Variants in PHF11 observed in about 807,000 individuals in gnomAD.
PHF11 encodes PHD finger protein 11, also known as BRCA1 C-terminus-associated protein.
A neutral mutation model predicts 40.5 loss-of-function variants in PHF11; 38 were observed. The ratio of observed to expected loss-of-function variants is 0.94; its 90% CI spans 0.72 to 1.23. The LOEUF (loss-of-function observed/expected upper bound fraction) is 1.23. PHF11 is among the 50% of genes most tolerant of loss of function. PHF11 has a pLI of 0.00. For synonymous variants in PHF11, 127 were observed against 138.2 expected (o/e 0.92, Z 0.57); for missense variants, 369 against 392.4 (o/e 0.94, Z 0.50).
intron 1 of PHF11, 43 bp downstream of exon 1, chr13:49,496,138 C>T: frequency 9.2e-7 from 1 of 1,083,326 alleles, no homozygotes; most frequent in Non-Finnish European, 1.2e-6. Flanking sequence ...CGGGGCTGGG[C>T]AGCGACGGGC....
intron 3 of PHF11, among the ~76,000 whole-genome samples, chr13:49,517,247 G>T (rs1457152629): frequency 2.0e-5 from 3 of 152,120 alleles, no homozygotes; most frequent in Non-Finnish European, 4.4e-5. Context: ...GGGCTATGGT[G>T]TGAGTGACCT....
At chr13:49,528,000 T>C (rs1236049396) in intron 9 of PHF11, among the ~76,000 whole-genome samples, 14 of 152,254 alleles carry the variant, frequency 9.2e-5, no homozygotes. Flanking sequence ...ATTTGTTATT[T>C]ATAAAGCCTA....
intron 8 of PHF11, chr13:49,526,184 A>G (rs7321952): frequency 0.52 from 250,224 of 484,548 alleles, 70,521 homozygotes; most frequent in Non-Finnish European, 0.57. Context: ...AAAAAAAAAA[A>G]AAAAAAGAAA....
At chr13:49,523,046 A>T (rs1393288667) in intron 6 of PHF11, 129 bp from the exon 7 acceptor site, 4 of 723,670 alleles carry the variant, frequency 5.5e-6, no homozygotes, top group Non-Finnish European at 1.0e-5. Flanking sequence ...TACAGGCGTG[A>T]GACACCGCGC....
At chr13:49,528,081 G>C (rs1032872061) in intron 9 of PHF11, among the ~76,000 whole-genome samples, 1 of 152,042 alleles carries the variant, frequency 6.6e-6, no homozygotes, top group African/African-American at 2.4e-5. Context: ...GAAACCAAAA[G>C]CCTTTATGTA....
At chr13:49,496,744 G>A (rs1183415394) in intron 1 of PHF11, 1 of 182,602 alleles carries the variant, frequency 5.5e-6, no homozygotes, top group East Asian at 1.4e-4. Flanking sequence ...TAATGAGGAG[G>A]TCAGAACCAC....
chr13:49,527,054 GAA>G (rs112437268), intron 9 of PHF11, among the ~76,000 whole-genome samples: 6 of 92,718 alleles, frequency 6.5e-5, no homozygotes, highest in East Asian at 3.6e-4. Context: ...AAGTTCATCA[GAA>G]AAAAAAAAAA....
rs1959210600 is a variant in PHF11 at position 49,524,221 on chromosome 13, T to C, written c.769+5T>C. On this transcript the variant is annotated splice_donor_5th_base_variant and intron_variant, in intron 8 of 9. Transcript: ENST00000378319. ...ATGAGACTACTTCAGAATCAGGTAC[T>C]GATGAAGAGCAATATTTCGAAGTAT... The C allele has an allele frequency of 6.3e-7, 1 of 1,599,482 alleles. No homozygotes were observed. Among genetic ancestry groups the C allele is most frequent in the African/African-American group, 1.4e-5 (1 of 74,066 alleles).
intron 2 of PHF11, 150 bp from the exon 3 acceptor site, chr13:49,512,909 G>A (rs1959097313): frequency 3.5e-6 from 2 of 579,000 alleles, no homozygotes; most frequent in South Asian, 2.1e-5. Flanking sequence ...ATGGCTTATG[G>A]TCTGCTCATC....
At chr13:49,508,627 T>G (rs1021610596) in intron 2 of PHF11, among the ~76,000 whole-genome samples, 4 of 151,934 alleles carry the variant, frequency 2.6e-5, no homozygotes, top group African/African-American at 7.2e-5. Flanking sequence ...TTTTATTTAT[T>G]GATCTCATCC....
At chr13:49,527,150 G>C (rs1431446078) in intron 9 of PHF11, 4 of 152,182 alleles carry the variant, frequency 2.6e-5, no homozygotes, top group Non-Finnish European at 5.9e-5. Context: ...TTGGAGGAGG[G>C]AGATTTAACC....
At chr13:49,526,734 T>C (rs1012412978) in intron 9 of PHF11, among the ~76,000 whole-genome samples, 2 of 152,142 alleles carry the variant, frequency 1.3e-5, no homozygotes, top group African/African-American at 2.4e-5. Flanking sequence ...TTGTCTGTTC[T>C]TTTACTGCTA....
chr13:49,507,501 G>A (rs1959018730), intron 2 of PHF11, among the ~76,000 whole-genome samples: 1 of 152,186 alleles, frequency 6.6e-6, no homozygotes, highest in South Asian at 2.1e-4. Flanking sequence ...AATTTCCCTA[G>A]TCTAGGCTAT....
chr13:49,525,738 T>C (rs2139079938), intron 8 of PHF11: 1 of 441,412 alleles, frequency 2.3e-6, no homozygotes. Context: ...CAAAAGCTCA[T>C]TTATTATACT....
At chr13:49,513,275 G>C in intron 3 of PHF11, 109 bp downstream of exon 3, 1 of 586,928 alleles carries the variant, frequency 1.7e-6, no homozygotes, top group Non-Finnish European at 3.0e-6. Flanking sequence ...GCATCTTGGA[G>C]AGCTGGAAGA....
At chr13:49,515,574 ACT>A (rs1006009418) in intron 3 of PHF11, among the ~76,000 whole-genome samples, 2 of 150,990 alleles carry the variant, frequency 1.3e-5, no homozygotes, top group African/African-American at 2.4e-5. Flanking sequence ...AAGTCTAAGG[ACT>A]CTCTTTTCCT....
chr13:49,526,536 G>A lies in PHF11; in HGVS notation c.841+78G>A, dbSNP rs1959290140. Reference sequence around the variant, plus strand: ...CGATATTGAAACAATATACTGTACAGGTGATAAAAATATTTTAGAAGAATG... The same window carrying A: ...CGATATTGAAACAATATACTGTACAAGTGATAAAAATATTTTAGAAGAATG... On this transcript the variant is annotated intron_variant, in intron 9 of 9. Coordinates refer to ENST00000378319, the MANE Select transcript of PHF11 (RefSeq NM_001040443.3). 6 of 797,744 alleles carry A rather than the reference G, an allele frequency of 7.5e-6. No individual in the cohort carries two copies. The South Asian group carries it at 9.0e-5, about 12-fold the overall frequency. The allele number at this position is 797,744 out of a possible 1,614,324, so 49.4% of individuals were successfully genotyped here.
At chr13:49,520,369 C>T (rs1959182050) in intron 4 of PHF11, among the ~76,000 whole-genome samples, 1 of 152,198 alleles carries the variant, frequency 6.6e-6, no homozygotes, top group African/African-American at 2.4e-5. Context: ...TTCATCATAG[C>T]CTGCTATGCT....
At chr13:49,516,888 C>CA (rs1959162772) in intron 3 of PHF11, among the ~76,000 whole-genome samples, 3 of 152,276 alleles carry the variant, frequency 2.0e-5, no homozygotes, top group South Asian at 4.1e-4. Context: ...CCCAGCCTGT[C>CA]AGAGTTTTCA....
Sources: allele counts gnomAD v4.1 joint callset (sites outside exome capture counted in the v4.1 genomes callset), GRCh38; gene constraint gnomAD v4.1.1; transcripts MANE v1.5; gene names NCBI Gene and HGNC (gene_info 2026-07-23, HGNC 2026-07-21).